FAT3: variants seen among roughly 807,000 people sequenced by gnomAD.
FAT3 encodes protocadherin Fat 3.
FAT3 carries 95 observed loss-of-function variants against 310.2 expected under a neutral mutation model. The observed-to-expected ratio is 0.31, with a 90% confidence interval of 0.26 to 0.36. The LOEUF (loss-of-function observed/expected upper bound fraction) is 0.36, where lower values mean the gene tolerates loss of function less well. Ranked by LOEUF, FAT3 falls within the 10% of genes least tolerant of loss-of-function variation. FAT3 has a pLI of 1.00. For missense variants in FAT3, 5,408 were observed against 5,715.6 expected, an observed-to-expected ratio of 0.95 and a Z score of 1.74; for synonymous variants, 2,314 against 2,192.9, an observed-to-expected ratio of 1.06 and a Z score of -1.54.
Position 92,809,962 on chromosome 11 carries a change from G to A in FAT3, c.9367G>A (p.Asp3123Asn). 6.2e-7 allele frequency: 1 copy of A among 1,613,954 alleles called. No homozygotes were observed. The highest frequency in any genetic ancestry group is 8.5e-7 in the Non-Finnish European group (1 of 1,179,838). The change falls in exon 13 of 28, where the codon GAT becomes AAT. Residue 3123 changes from aspartate to asparagine, a missense_variant. Physicochemically the swap from Asp to Asn is conservative, Grantham distance 23. Transcript: ENST00000525166. ...CQSNIHLILE[D>N]VNDNPPVFSS... ...GTCCAACATCCACCTAATCCTGGAG[G>A]ATGTGAATGATAACCCCCCTGTGTT...
At chr11:92,659,544 T>C (rs1396877734) in intron 3 of FAT3, among the ~76,000 whole-genome samples, 2 of 152,214 alleles carry the variant, frequency 1.3e-5, no homozygotes, top group African/African-American at 2.4e-5. Context: ...TTCTCACACT[T>C]CTTCATAATT....
intron 2 of FAT3, among the ~76,000 whole-genome samples, chr11:92,442,131 T>TTTG (rs1951089485): frequency 7.6e-6 from 1 of 130,778 alleles, no homozygotes; most frequent in African/African-American, 3.1e-5. Flanking sequence ...TTTTTTTTTT[T>TTTG]GAGATGGAGT....
At chr11:92,516,623 T>C (rs1953494885) in intron 2 of FAT3, among the ~76,000 whole-genome samples, 1 of 152,114 alleles carries the variant, frequency 6.6e-6, no homozygotes, top group Non-Finnish European at 1.5e-5. Context: ...AACATAGTAT[T>C]GGAAGTTCTG....
At chr11:92,700,856 G>T (rs1944078066) in intron 4 of FAT3, among the ~76,000 whole-genome samples, 2 of 151,888 alleles carry the variant, frequency 1.3e-5, no homozygotes, top group South Asian at 4.2e-4. Context: ...TACAATTTTG[G>T]CCACATTTTT....
At chr11:92,612,084 T>C (rs1179456385) in intron 3 of FAT3, among the ~76,000 whole-genome samples, 1 of 152,216 alleles carries the variant, frequency 6.6e-6, no homozygotes, top group African/African-American at 2.4e-5. Flanking sequence ...ATTTAATAAC[T>C]ATTTTATTGT....
chr11:92,293,052 GGAAGGAAGGAAGGAAGGAAGGAAGGAAA>G lies in FAT3; in HGVS notation c.-17-59024_-17-58997del, dbSNP rs1339286895. The stretch of plus-strand genomic sequence containing the variant: ...AGGAAGGAAGGAAGGAAGGAAGGAA[GGAAGGAAGGAAGGAAGGAAGGAAGGAAA>G]GAAGGAAGGAAGGAAGGAAAGGAAG... On this transcript the variant is annotated intron_variant, in intron 1 of 27. Coordinates refer to ENST00000525166, the MANE Select transcript of FAT3 (RefSeq NM_001367949.2). Among the ~76,000 whole-genome samples the G allele has an allele frequency of 5.4e-3, 711 of 132,222 alleles. 8 individuals are homozygous for G. Among genetic ancestry groups the G allele is most frequent in the East Asian group, 0.022 (106 of 4,730 alleles). The allele number at this position is 132,222 out of a possible 152,430, so 86.7% of individuals were successfully genotyped here. A position where few individuals can be genotyped will look rare whatever the true frequency, so the allele number is the denominator to read the frequency against.
rs757218099 is a variant in FAT3 at position 92,353,105 on chromosome 11, G to A, written c.993G>A (p.Gln331=). The A allele has an allele frequency of 2.5e-5, 41 of 1,613,558 alleles. No homozygotes were observed. The Admixed American group carries it at 6.8e-4, about 27-fold the overall frequency. Residue 331 remains glutamine, a synonymous_variant, in exon 2 of 28, where the codon CAG becomes CAA. Transcript: ENST00000525166. Reference sequence around the variant, plus strand: ...AGTACAAGATTAAGGAGAGGAAGCAGATTGACTGGGAGAGCTTTCCCTATG... The same window carrying A: ...AGTACAAGATTAAGGAGAGGAAGCAAATTGACTGGGAGAGCTTTCCCTATG... ...LNEYKIKERK[Q]IDWESFPYGY... is the part of the protein sequence containing the mutation.
At chr11:92,518,663 TA>T (rs886549293) in intron 2 of FAT3, among the ~76,000 whole-genome samples, 120 of 143,858 alleles carry the variant, frequency 8.3e-4, no homozygotes, top group East Asian at 4.0e-3. Context: ...AGTATAACAA[TA>T]AAAAAAAAAA....
At chr11:92,710,377 A>G (rs978910924) in intron 4 of FAT3, among the ~76,000 whole-genome samples, 3 of 152,146 alleles carry the variant, frequency 2.0e-5, no homozygotes, top group Non-Finnish European at 1.5e-5. Context: ...TGTCACTGCA[A>G]ATAACTTTGG....
chr11:92,429,073 G>A (rs530193252), intron 2 of FAT3, among the ~76,000 whole-genome samples: 5 of 152,298 alleles, frequency 3.3e-5, no homozygotes, highest in African/African-American at 1.2e-4. Context: ...TTTATTGGAT[G>A]CGTATATATT....
intron 2 of FAT3, among the ~76,000 whole-genome samples, chr11:92,518,711 AG>A (rs1383251471): frequency 6.6e-6 from 1 of 152,110 alleles, no homozygotes; most frequent in Non-Finnish European, 1.5e-5. Flanking sequence ...ACAATGTTGT[AG>A]GATACAAGAT....
chr11:92,394,669 A>T (rs1035847296), intron 2 of FAT3, among the ~76,000 whole-genome samples: 3 of 152,020 alleles, frequency 2.0e-5, no homozygotes, highest in African/African-American at 7.2e-5. Context: ...TTATCAAAAA[A>T]CTCTGTATCT....
intron 3 of FAT3, among the ~76,000 whole-genome samples, chr11:92,689,454 G>A (rs1333397080): frequency 1.3e-5 from 2 of 152,196 alleles, no homozygotes; most frequent in Non-Finnish European, 2.9e-5. Flanking sequence ...GACATCCTTA[G>A]TATTGGTTCG....
intron 3 of FAT3, among the ~76,000 whole-genome samples, chr11:92,543,406 C>T (rs570751461): frequency 4.1e-4 from 63 of 152,248 alleles, no homozygotes; most frequent in African/African-American, 1.5e-3. Flanking sequence ...TATTTTTACA[C>T]AATGTATTCT....
rs1170776183 is a variant in FAT3, at chr11:92,761,847, C to G, written c.3670-9C>G. ...CTCCTTTCTGATCACATCATACTCTCTTTTTCAGGTGACTGTGACAGATGG... is the reference window on the plus strand; with the variant it reads ...CTCCTTTCTGATCACATCATACTCTGTTTTTCAGGTGACTGTGACAGATGG... On this transcript the variant is annotated splice_polypyrimidine_tract_variant and intron_variant, in intron 4 of 27. Coordinates refer to ENST00000525166, the MANE Select transcript of FAT3 (RefSeq NM_001367949.2). 2.5e-6 allele frequency: 4 copies of G among 1,611,410 alleles called. No individual in the cohort carries two copies. The highest frequency in any genetic ancestry group is 3.4e-5 in the Admixed American group (2 of 59,700).
chr11:92,484,477 CA>C (rs1193471212), intron 2 of FAT3, among the ~76,000 whole-genome samples: 1 of 152,060 alleles, frequency 6.6e-6, no homozygotes, highest in East Asian at 1.9e-4. Flanking sequence ...GTACAGCGTG[CA>C]ACTCAAAATC....
chr11:92,346,135 A>T (rs1948413120), intron 1 of FAT3, among the ~76,000 whole-genome samples: 1 of 152,190 alleles, frequency 6.6e-6, no homozygotes, highest in Admixed American at 6.5e-5. Context: ...CAAGTATGTC[A>T]TACGAGCAGT....
At chr11:92,277,133 T>G (rs1434979393) in intron 1 of FAT3, among the ~76,000 whole-genome samples, 2 of 152,178 alleles carry the variant, frequency 1.3e-5, no homozygotes, top group Non-Finnish European at 2.9e-5. Flanking sequence ...TTAAATATTA[T>G]GTAAATTAAT....
intron 13 of FAT3, among the ~76,000 whole-genome samples, chr11:92,811,285 G>T (rs1187683375): frequency 2.0e-5 from 3 of 152,134 alleles, no homozygotes; most frequent in African/African-American, 7.2e-5. Flanking sequence ...AAAGAGAACA[G>T]AATTAATGGA....
Sources: allele counts gnomAD v4.1 joint callset (sites outside exome capture counted in the v4.1 genomes callset), GRCh38; gene constraint gnomAD v4.1.1; transcripts MANE v1.5; gene names NCBI Gene and HGNC (gene_info 2026-07-23, HGNC 2026-07-21).